RBFOX1: variants seen among roughly 807,000 people sequenced by gnomAD.
The protein encoded by RBFOX1 is RNA binding fox-1 homolog 1, also known as RNA binding protein fox-1 homolog 1.
In RBFOX1, 8 loss-of-function variants were observed where a neutral mutation model predicts 57.7. That is an observed-to-expected ratio of 0.14 (90% confidence interval 0.08 to 0.25). The LOEUF (loss-of-function observed/expected upper bound fraction) is 0.25, where lower values mean the gene tolerates loss of function less well. Ranked by LOEUF, RBFOX1 falls within the 10% of genes least tolerant of loss-of-function variation. The probability of loss-of-function intolerance (pLI) is 1.00; values close to 1 mark genes in which losing one functional copy is unlikely to be tolerated. For missense variants in RBFOX1, 611 were observed against 548.5 expected, an observed-to-expected ratio of 1.11 and a Z score of -1.14; for synonymous variants, 326 against 222.4, an observed-to-expected ratio of 1.47 and a Z score of -4.15.
intron 1 of RBFOX1, among the ~76,000 whole-genome samples, chr16:5,417,708 A>G (rs1250004038): frequency 6.6e-6 from 1 of 152,198 alleles, no homozygotes; most frequent in Non-Finnish European, 1.5e-5. Flanking sequence ...TACAGCAGGC[A>G]TTTAATAAAT....
intron 4 of RBFOX1, among the ~76,000 whole-genome samples, chr16:5,999,464 A>G (rs1010442081): frequency 1.3e-5 from 2 of 152,268 alleles, no homozygotes; most frequent in African/African-American, 2.4e-5. Flanking sequence ...TTTAACCTCA[A>G]ATTTCCTTAA....
intron 3 of RBFOX1, among the ~76,000 whole-genome samples, chr16:5,779,868 C>T (rs1048225725): frequency 6.6e-6 from 1 of 152,134 alleles, no homozygotes; most frequent in African/African-American, 2.4e-5. Context: ...TATAATCTGC[C>T]TGATCTTCAG....
rs200121160 is a variant in RBFOX1 at position 6,310,901 on chromosome 16, TAAAAAAA to T, written c.-126-6081_-126-6075del. Among the ~76,000 whole-genome samples, 49 of 140,572 alleles carry T rather than the reference TAAAAAAA, an allele frequency of 3.5e-4. No individual in the cohort carries two copies. In the East Asian group the frequency reaches 5.3e-3, roughly 15 times the overall value. The allele number at this position is 140,572 out of a possible 152,430, so 92.2% of individuals were successfully genotyped here. ...AACAGGTGCAAATTTACCAGTGGTT[TAAAAAAA>T]AAAAAAAAAAAAGAACAGAATCCCA... On this transcript the variant is annotated intron_variant, in intron 1 of 15. Coordinates refer to ENST00000550418, the MANE Select transcript of RBFOX1 (RefSeq NM_018723.4).
chr16:5,423,652 T>G (rs1185790713), intron 1 of RBFOX1, among the ~76,000 whole-genome samples: 1 of 152,184 alleles, frequency 6.6e-6, no homozygotes, highest in Non-Finnish European at 1.5e-5. Context: ...GCTGTCTTAT[T>G]GATATAATAT....
intron 4 of RBFOX1, among the ~76,000 whole-genome samples, chr16:7,405,637 G>T (rs1280214525): frequency 6.6e-6 from 1 of 152,178 alleles, no homozygotes; most frequent in Admixed American, 6.5e-5. Context: ...TATATTGGAG[G>T]AATCAGAGCA....
At chr16:5,944,288 G>C (rs556036698) in intron 4 of RBFOX1, among the ~76,000 whole-genome samples, 26 of 152,330 alleles carry the variant, frequency 1.7e-4, no homozygotes, top group African/African-American at 6.0e-4. Flanking sequence ...TCTAGGAATG[G>C]ATGAATGGTC....
chr16:5,949,731 G>C (rs926307539), intron 4 of RBFOX1, among the ~76,000 whole-genome samples: 1 of 152,058 alleles, frequency 6.6e-6, no homozygotes, highest in Non-Finnish European at 1.5e-5. Flanking sequence ...ACCTCAACCA[G>C]CAGCAGCAGC....
intron 3 of RBFOX1, among the ~76,000 whole-genome samples, chr16:6,868,482 A>AT (rs35126716): frequency 0.24 from 35,858 of 151,334 alleles, 4,409 homozygotes; most frequent in East Asian, 0.29. Flanking sequence ...TTGGTTTATG[A>AT]TTTTTTTTTG....
chr16:6,623,917 C>G (rs1369577024), intron 2 of RBFOX1, among the ~76,000 whole-genome samples: 1 of 152,148 alleles, frequency 6.6e-6, no homozygotes, highest in Non-Finnish European at 1.5e-5. Context: ...GTGCATGTGT[C>G]TTTATAGCAG....
At position 5,661,335 on chromosome 16, in the gene RBFOX1, A is replaced by G. The variant is rs150090619; in HGVS notation, c.318+62374A>G. Among the ~76,000 whole-genome samples the G allele has an allele frequency of 7.3e-3, 1,108 of 152,350 alleles. 11 individuals carry two copies. Among genetic ancestry groups the G allele is most frequent in the African/African-American group, 0.025 (1,019 of 41,574 alleles). ...ACCTCTGCTTTACCTACATTTGTGT[A>G]TATTAAAAGAGGTATCTGCATGTTT... On this transcript the variant is annotated intron_variant, in intron 3 of 19. Transcript: ENST00000641259.
intron 4 of RBFOX1, among the ~76,000 whole-genome samples, chr16:7,202,777 C>T (rs534981774): frequency 6.6e-6 from 1 of 152,296 alleles, no homozygotes; most frequent in South Asian, 2.1e-4. Context: ...GGGACAGTTT[C>T]ATCCTGAAAC....
chr16:5,753,569 G>A (rs1030027686), intron 3 of RBFOX1, among the ~76,000 whole-genome samples: 3 of 152,144 alleles, frequency 2.0e-5, no homozygotes, highest in African/African-American at 7.2e-5. Context: ...CAGCCAGCTT[G>A]TATTGGCTGG....
At chr16:6,484,316 C>A (rs918848375) in intron 2 of RBFOX1, among the ~76,000 whole-genome samples, 13 of 152,238 alleles carry the variant, frequency 8.5e-5, no homozygotes, top group African/African-American at 2.9e-4. Flanking sequence ...TGAGCATATG[C>A]GCTGCATATC....
chr16:7,605,286 T>A (rs899084396), intron 9 of RBFOX1, among the ~76,000 whole-genome samples: 3 of 152,180 alleles, frequency 2.0e-5, no homozygotes, highest in African/African-American at 7.2e-5. Context: ...GAAATTCTTA[T>A]AAGGCAAGAT....
chr16:6,685,943 A>G (rs77552871), intron 3 of RBFOX1, among the ~76,000 whole-genome samples: 1 of 152,136 alleles, frequency 6.6e-6, no homozygotes, highest in Non-Finnish European at 1.5e-5. Flanking sequence ...TTATTTTTGT[A>G]CACTTAGGTT....
intron 4 of RBFOX1, among the ~76,000 whole-genome samples, chr16:7,203,982 C>G (rs1329219815): frequency 2.6e-5 from 4 of 152,178 alleles, no homozygotes; most frequent in African/African-American, 9.7e-5. Flanking sequence ...TGTTCTCAAA[C>G]ATCACTTACG....
At chr16:6,893,771 C>T (rs1174645242) in intron 3 of RBFOX1, among the ~76,000 whole-genome samples, 2 of 152,156 alleles carry the variant, frequency 1.3e-5, no homozygotes, top group Admixed American at 6.6e-5. Context: ...CATGTATCAT[C>T]TGGTGAGAAG....
intron 3 of RBFOX1, among the ~76,000 whole-genome samples, chr16:6,831,697 A>G (rs28684535): frequency 0.011 from 1,624 of 152,148 alleles, 28 homozygotes; most frequent in African/African-American, 0.037. Flanking sequence ...ATTATTTTTA[A>G]CTCTTTGCCC....
chr16:5,257,348 A>G (rs1208828581), intron 1 of RBFOX1, among the ~76,000 whole-genome samples: 6 of 152,192 alleles, frequency 3.9e-5, no homozygotes, highest in Non-Finnish European at 8.8e-5. Context: ...TGCCAGTTAC[A>G]TGCTATGAGA....
Sources: allele counts gnomAD v4.1 joint callset (sites outside exome capture counted in the v4.1 genomes callset), GRCh38; gene constraint gnomAD v4.1.1; transcripts MANE v1.5; gene names NCBI Gene and HGNC (gene_info 2026-07-23, HGNC 2026-07-21).